The following CDC123 variants were observed in gnomAD, a reference collection of about 807,000 sequenced individuals.
The protein encoded by CDC123 is translation initiation factor eIF2 assembly protein.
CDC123 carries 37 observed loss-of-function variants against 54.4 expected under a neutral mutation model. The ratio of observed to expected loss-of-function variants is 0.68; its 90% confidence interval spans 0.52 to 0.89. The LOEUF (loss-of-function observed/expected upper bound fraction) is 0.89. Ranked by LOEUF, CDC123 falls within the 40% of genes least tolerant of loss-of-function variation. The pLI, the probability that CDC123 is intolerant of heterozygous loss-of-function variation, is 0.00. For missense variants in CDC123, 361 were observed against 412.1 expected, an observed-to-expected ratio of 0.88 and a Z score of 1.07; for synonymous variants, 144 against 136.8, an observed-to-expected ratio of 1.05 and a Z score of -0.37.
chr10:12,200,120 A>ATTTTTTTTTTTTTTTTTTT lies in CDC123; in HGVS notation c.146+1349_146+1367dup. Among the ~76,000 whole-genome samples, 13 of 59,368 alleles carry ATTTTTTTTTTTTTTTTTTT rather than the reference A, an allele frequency of 2.2e-4. 3 individuals carry two copies. The highest frequency in any genetic ancestry group is 7.9e-4 in the East Asian group (1 of 1,258). 38.9% of individuals were successfully genotyped at this position (59,368 alleles called of 152,430 possible). A position where few individuals can be genotyped will look rare whatever the true frequency, so the allele number is the denominator to read the frequency against. ...ATAGGCCTGAGCCACCGCACTCGGC[A>ATTTTTTTTTTTTTTTTTTT]TTTTTTTTTTTTTTTTTTTTTTTAA... On this transcript the variant is annotated intron_variant, in intron 2 of 12. Coordinates refer to ENST00000281141, the MANE Select transcript of CDC123 (RefSeq NM_006023.3).
intron 4 of CDC123, among the ~76,000 whole-genome samples, chr10:12,211,766 C>T (rs1028304311): frequency 6.6e-5 from 10 of 152,162 alleles, no homozygotes; most frequent in African/African-American, 2.2e-4. Context: ...TGGTATCTGA[C>T]CTGGATTTTA....
chr10:12,248,299 G>C (rs1836186009), intron 11 of CDC123, among the ~76,000 whole-genome samples: 1 of 152,120 alleles, frequency 6.6e-6, no homozygotes, highest in East Asian at 1.9e-4. Context: ...CCTGAGGTCA[G>C]GAGTTCGAGA....
At chr10:12,237,851 C>A (rs1836000481) in intron 9 of CDC123, among the ~76,000 whole-genome samples, 1 of 152,186 alleles carries the variant, frequency 6.6e-6, no homozygotes, top group Non-Finnish European at 1.5e-5. Context: ...CAAAGTCTAT[C>A]TACCTTTCTA....
chr10:12,224,044 C>G (rs1307061223), intron 6 of CDC123, among the ~76,000 whole-genome samples: 1 of 152,000 alleles, frequency 6.6e-6, no homozygotes, highest in African/African-American at 2.4e-5. Context: ...TCCCAGAAGT[C>G]CAGTGTATCA....
At chr10:12,200,945 A>G (rs1835431185) in intron 2 of CDC123, among the ~76,000 whole-genome samples, 1 of 151,726 alleles carries the variant, frequency 6.6e-6, no homozygotes, top group Non-Finnish European at 1.5e-5. Flanking sequence ...AAAAAAAAAA[A>G]GTACTGTTAA....
chr10:12,250,090 A>T, intron 12 of CDC123: 1 of 483,232 alleles, frequency 2.1e-6, no homozygotes, highest in Non-Finnish European at 3.6e-6. Context: ...TCTGTGTAGG[A>T]GTTTTTGTAT....
At chr10:12,227,561 G>A (rs917157713) in intron 6 of CDC123, among the ~76,000 whole-genome samples, 1 of 151,068 alleles carries the variant, frequency 6.6e-6, no homozygotes, top group African/African-American at 2.4e-5. Flanking sequence ...GCAGTGTCAC[G>A]ATCTCAGATC....
At chr10:12,239,668 A>G (rs1028701051) in intron 10 of CDC123, among the ~76,000 whole-genome samples, 6 of 145,736 alleles carry the variant, frequency 4.1e-5, no homozygotes, top group Admixed American at 7.2e-5. Context: ...AGATTGTGCT[A>G]TTGCATTCCA....
intron 1 of CDC123, among the ~76,000 whole-genome samples, 195 bp downstream of exon 1, chr10:12,196,514 T>C (rs759440755): frequency 6.6e-6 from 1 of 152,154 alleles, no homozygotes; most frequent in Non-Finnish European, 1.5e-5. Context: ...GGGTCAGTTG[T>C]GGTTTTCAGT....
chr10:12,246,301 C>T (rs1335634197), intron 11 of CDC123, 24 bp downstream of exon 11: 4 of 1,612,532 alleles, frequency 2.5e-6, no homozygotes, highest in Admixed American at 1.7e-5. Context: ...AAGACAGATA[C>T]AATGTAAACC....
In CDC123 at chr10:12,198,815, T is replaced by C. The variant is rs749543284; in HGVS notation, c.146+39T>C. On this transcript the variant is annotated intron_variant, in intron 2 of 12. Transcript: ENST00000281141. ...GAAAAAAATTTCTTAAACTTTATCA[T>C]AAAGAAACACATAAAATGAATGAAT... 5 of 1,060,252 alleles carry C rather than the reference T, an allele frequency of 4.7e-6. No homozygotes were observed. The Admixed American group carries it at 9.8e-5, about 21-fold the overall frequency. The allele number at this position is 1,060,252 out of a possible 1,614,324, so 65.7% of individuals were successfully genotyped here. A position where few individuals can be genotyped will look rare whatever the true frequency, so the allele number is the denominator to read the frequency against.
intron 6 of CDC123, among the ~76,000 whole-genome samples, chr10:12,227,065 C>T (rs969535964): frequency 6.6e-6 from 1 of 152,178 alleles, no homozygotes; most frequent in Non-Finnish European, 1.5e-5. Context: ...ACCAGCCCCA[C>T]CAACACGGCA....
At chr10:12,236,623 G>A (rs963678207) in intron 8 of CDC123, among the ~76,000 whole-genome samples, 8 of 150,846 alleles carry the variant, frequency 5.3e-5, no homozygotes, top group South Asian at 2.1e-4. Context: ...GGCCAGGTGC[G>A]GTGGCTTACA....
At chr10:12,201,798 G>T (rs982811590) in intron 2 of CDC123, among the ~76,000 whole-genome samples, 1 of 152,188 alleles carries the variant, frequency 6.6e-6, no homozygotes, top group Non-Finnish European at 1.5e-5. Flanking sequence ...GGAAATGGAA[G>T]ACGGGTTAGG....
At chr10:12,203,309 T>G (rs1835468168) in intron 2 of CDC123, among the ~76,000 whole-genome samples, 1 of 152,244 alleles carries the variant, frequency 6.6e-6, no homozygotes, top group Admixed American at 6.5e-5. Context: ...TTGTTTACAG[T>G]TAGAATTTAG....
At chr10:12,217,209 A>G (rs1387483547) in intron 5 of CDC123, 152 bp from the exon 6 acceptor site, 9 of 618,232 alleles carry the variant, frequency 1.5e-5, no homozygotes, top group Non-Finnish European at 2.0e-5. Flanking sequence ...GTTGTTAAGC[A>G]TAATTTAACA....
chr10:12,225,298 G>A (rs1835795331), intron 6 of CDC123, among the ~76,000 whole-genome samples: 1 of 152,194 alleles, frequency 6.6e-6, no homozygotes, highest in Admixed American at 6.5e-5. Context: ...GGGAGGCTGA[G>A]GCAGGAGAAT....
chr10:12,196,704 T>G (rs1162843618), intron 1 of CDC123, among the ~76,000 whole-genome samples: 1 of 152,140 alleles, frequency 6.6e-6, no homozygotes, highest in African/African-American at 2.4e-5. Flanking sequence ...GATACGTAAT[T>G]ACAGTTAGAT....
intron 6 of CDC123, among the ~76,000 whole-genome samples, chr10:12,230,313 C>G (rs1835883195): frequency 6.6e-6 from 1 of 152,012 alleles, no homozygotes; most frequent in Admixed American, 6.6e-5. Flanking sequence ...CTGCCTCAGC[C>G]TCTCGAGTAG....
Sources: allele counts gnomAD v4.1 joint callset (sites outside exome capture counted in the v4.1 genomes callset), GRCh38; gene constraint gnomAD v4.1.1; transcripts MANE v1.5; gene names NCBI Gene and HGNC (gene_info 2026-07-23, HGNC 2026-07-21).